MKLN1: variants seen among roughly 807,000 people sequenced by gnomAD.
The protein encoded by MKLN1 is muskelin.
Under a neutral mutation model 99.0 loss-of-function variants are expected in MKLN1, and 18 were observed. That is an observed-to-expected ratio of 0.18 (90% CI 0.13 to 0.27). The LOEUF is 0.27. MKLN1 is among the 10% of genes least tolerant of loss of function. The pLI, the probability that MKLN1 is intolerant of heterozygous loss-of-function variation, is 1.00. For missense variants in MKLN1, 621 were observed against 875.9 expected (o/e 0.71, Z 3.67); for synonymous variants, 288 against 293.2 (o/e 0.98, Z 0.18).
At chr7:131,182,081 C>G (rs1042782587) in intron 2 of MKLN1, among the ~76,000 whole-genome samples, 9 of 152,084 alleles carry the variant, frequency 5.9e-5, no homozygotes, top group African/African-American at 2.2e-4. Context: ...CTGCAGTGAG[C>G]CGAGATCGCA....
In MKLN1 at chr7:131,493,106, ATGT is replaced by A. The variant is rs1797467572; in HGVS notation, c.*5382_*5384del. On this transcript the variant is annotated 3_prime_UTR_variant, in exon 18 of 18. Transcript: ENST00000352689. ...TGCTGGAAAACAGAATTTAACATGA[ATGT>A]TGTCTGAAAGCTGTAGGATCAATGG... The A allele has an allele frequency of 6.6e-6, 1 of 152,208 alleles. No individual in the cohort carries two copies. The highest frequency in any genetic ancestry group is 6.5e-5 in the Admixed American group (1 of 15,276). The allele number at this position is 152,208 out of a possible 1,614,324, so 9.4% of individuals were successfully genotyped here. A position where few individuals can be genotyped will look rare whatever the true frequency, so the allele number is the denominator to read the frequency against.
chr7:131,283,078 G>A (rs905837629), intron 3 of MKLN1, among the ~76,000 whole-genome samples: 11 of 152,114 alleles, frequency 7.2e-5, no homozygotes, highest in Non-Finnish European at 1.3e-4. Flanking sequence ...ATCTGCATAC[G>A]TTACTGAGAG....
intron 1 of MKLN1, among the ~76,000 whole-genome samples, chr7:131,360,554 A>T (rs1019184748): frequency 6.6e-6 from 1 of 152,186 alleles, no homozygotes; most frequent in Non-Finnish European, 1.5e-5. Context: ...TTCATGTGCC[A>T]TGTACCTAAT....
intron 1 of MKLN1, among the ~76,000 whole-genome samples, chr7:131,343,566 C>T (rs2116734965): frequency 6.6e-6 from 1 of 152,226 alleles, no homozygotes; most frequent in East Asian, 1.9e-4. Context: ...CATTATTTGT[C>T]AATGAATTCC....
chr7:131,340,714 A>G (rs1799384223), intron 1 of MKLN1, among the ~76,000 whole-genome samples: 1 of 152,254 alleles, frequency 6.6e-6, no homozygotes, highest in South Asian at 2.1e-4. Context: ...TTAAATGAGT[A>G]AATGAGTGAA....
intron 16 of MKLN1, chr7:131,471,598 C>A (rs1208354856): frequency 6.6e-6 from 1 of 152,184 alleles, no homozygotes; most frequent in African/African-American, 2.4e-5. Flanking sequence ...TGTGAAAATG[C>A]CTGCAATGAT....
At chr7:131,463,583 C>G (rs113513153) in intron 13 of MKLN1, among the ~76,000 whole-genome samples, 2,985 of 152,196 alleles carry the variant, frequency 0.02, 81 homozygotes, top group African/African-American at 0.066. Context: ...TGGTTCCTGG[C>G]CTGGGACTCA....
rs576649235 is a variant in MKLN1, at chr7:131,429,618, G to A, written c.960+473G>A. On this transcript the variant is annotated intron_variant, in intron 9 of 17. Transcript: ENST00000352689. Reference sequence around the variant, plus strand: ...CTTTTTTTTGGAGTCTTGCTCTATCGCCCAGGCTGGAGTGCAGTGGCACCA... The same window carrying A: ...CTTTTTTTTGGAGTCTTGCTCTATCACCCAGGCTGGAGTGCAGTGGCACCA... Among the ~76,000 whole-genome samples, 216 of 151,560 alleles carry A rather than the reference G, an allele frequency of 1.4e-3. 2 individuals carry two copies. Among genetic ancestry groups the A allele is most frequent in the Non-Finnish European group, 1.9e-3 (130 of 67,940 alleles).
chr7:131,228,562 C>G (rs1797192008), intron 3 of MKLN1, among the ~76,000 whole-genome samples: 1 of 152,216 alleles, frequency 6.6e-6, no homozygotes, highest in African/African-American at 2.4e-5. Flanking sequence ...CTTATCCTTT[C>G]TCAGCCTCGC....
At position 131,194,631 on chromosome 7, in the gene MKLN1, C is replaced by T. The variant is rs144383645; in HGVS notation, c.-296-8226C>T. 8.3e-4 allele frequency among the ~76,000 whole-genome samples: 127 copies of T among 152,312 alleles called. 1 individual carries two copies. The highest frequency in any genetic ancestry group is 2.9e-3 in the African/African-American group (119 of 41,566). ...TAGTGCTCTTTCCAAATGCCACAGC[C>T]GCATCTCAATTTTCATTTCCCTTAT... is the stretch of plus-strand genomic sequence containing the variant. On this transcript the variant is annotated intron_variant, in intron 2 of 7. Coordinates refer to the MKLN1 transcript ENST00000416992.
In MKLN1 at chr7:131,388,963, A is replaced by G. The variant is rs1794114339; in HGVS notation, c.391A>G (p.Ile131Val). ...TGAACAGATGTTCCCTTGTCGATTC[A>G]TTAAAATAGGTAAGATTTTAGCATT... ...IDEQMFPCRF[I>V]KIVPLLSWGP... The change falls in exon 4 of 18, where the codon ATT (isoleucine) becomes GTT (valine). Residue 131 changes from isoleucine (I) to valine (V), a missense_variant. Around this residue, in one of 8 missense-constraint regions of MKLN1, gnomAD observed 361 missense variants for 540.8 expected, o/e 0.67. Transcript: ENST00000352689. 1 of 1,598,200 alleles carries G rather than the reference A, an allele frequency of 6.3e-7. No individual in the cohort carries two copies. Among genetic ancestry groups the G allele is most frequent in the African/African-American group, 1.3e-5 (1 of 74,540 alleles).
chr7:131,386,942 G>A (rs3735030), intron 2 of MKLN1, among the ~76,000 whole-genome samples, 178 bp from the exon 3 acceptor site: 10,254 of 152,120 alleles, frequency 0.067, 419 homozygotes, highest in East Asian at 0.19. Flanking sequence ...AAGTGGTTCT[G>A]GTGGGATAAC....
intron 3 of MKLN1, among the ~76,000 whole-genome samples, chr7:131,266,165 C>T (rs1205788550): frequency 1.9e-5 from 2 of 102,662 alleles, no homozygotes; most frequent in African/African-American, 7.8e-5. Context: ...CAGAGCAAGA[C>T]TGCATCTCAA....
At chr7:131,465,909 ATTT>A (rs1796649468) in intron 14 of MKLN1, among the ~76,000 whole-genome samples, 1 of 152,142 alleles carries the variant, frequency 6.6e-6, no homozygotes, top group African/African-American at 2.4e-5. Flanking sequence ...TTATGTCAGA[ATTT>A]TTAAGATATT....
At chr7:131,238,951 T>G (rs923324837) in intron 3 of MKLN1, among the ~76,000 whole-genome samples, 24 of 152,310 alleles carry the variant, frequency 1.6e-4, no homozygotes, top group Non-Finnish European at 2.9e-4. Context: ...AGAATTTAGT[T>G]GCATGGCCAC....
intron 2 of MKLN1, 30 bp downstream of exon 2, chr7:131,375,523 T>G (rs913513265): frequency 7.5e-7 from 1 of 1,329,102 alleles, no homozygotes; most frequent in South Asian, 1.2e-5. Flanking sequence ...TTAATGCTGT[T>G]TAGAAGTCAC....
chr7:131,243,357 A>G (rs984649222), intron 3 of MKLN1, among the ~76,000 whole-genome samples: 13 of 152,200 alleles, frequency 8.5e-5, no homozygotes, highest in Non-Finnish European at 7.3e-5. Context: ...TCCGTATAGA[A>G]CAATGCTGTT....
chr7:131,439,916 A>G (rs1795789459), intron 10 of MKLN1, among the ~76,000 whole-genome samples: 1 of 126,792 alleles, frequency 7.9e-6, no homozygotes, highest in Non-Finnish European at 1.7e-5. Context: ...ACACACACAC[A>G]CAGTCTCTCT....
At chr7:131,262,889 T>C (rs1440971842) in intron 3 of MKLN1, among the ~76,000 whole-genome samples, 2 of 152,154 alleles carry the variant, frequency 1.3e-5, no homozygotes, top group Non-Finnish European at 2.9e-5. Context: ...AACTGTCTCC[T>C]TTCTCCACAC....
Sources: allele counts gnomAD v4.1 joint callset (sites outside exome capture counted in the v4.1 genomes callset), GRCh38; gene constraint gnomAD v4.1.1; regional missense constraint gnomAD v4.1.1; transcripts MANE v1.5; gene names NCBI Gene and HGNC (gene_info 2026-07-23, HGNC 2026-07-21).